The following TENM2 variants were observed in gnomAD, a reference collection of about 807,000 sequenced individuals.
The protein encoded by TENM2 is teneurin transmembrane protein 2.
A neutral mutation model predicts 245.2 loss-of-function variants in TENM2; 52 were observed. The ratio of observed to expected loss-of-function variants is 0.21; its 90% CI spans 0.17 to 0.27. The LOEUF (loss-of-function observed/expected upper bound fraction) is 0.27. TENM2 is among the 10% of genes least tolerant of loss of function. The pLI is 1.00. For synonymous variants in TENM2, 1,363 were observed against 1,438.9 expected (o/e 0.95, Z 1.19); for missense variants, 3,046 against 3,666.8 (o/e 0.83, Z 4.37).
chr5:167,774,951 T>A (rs1194406595), intron 2 of TENM2, among the ~76,000 whole-genome samples: 1 of 152,120 alleles, frequency 6.6e-6, no homozygotes, highest in Non-Finnish European at 1.5e-5. Flanking sequence ...TGGGGCTTAT[T>A]TGGGTGTGAG....
At chr5:167,602,554 T>C (rs190287515) in intron 2 of TENM2, among the ~76,000 whole-genome samples, 1 of 152,178 alleles carries the variant, frequency 6.6e-6, no homozygotes, top group African/African-American at 2.4e-5. Context: ...GGTTGGAGAG[T>C]AGATATTGTT....
intron 5 of TENM2, among the ~76,000 whole-genome samples, chr5:168,017,429 C>G (rs1785752293): frequency 6.6e-6 from 1 of 152,176 alleles, no homozygotes; most frequent in Admixed American, 6.5e-5. Flanking sequence ...GCATGGAGCT[C>G]TTCGTGACAG....
the TENM2 span, among the ~76,000 whole-genome samples, chr5:167,072,498 C>T: frequency 6.6e-6 from 1 of 152,170 alleles, no homozygotes; most frequent in African/African-American, 2.4e-5. Flanking sequence ...GAAGTTGAGA[C>T]ATGTAACCTT....
At chr5:167,346,920 G>A (rs1411633948) in intron 1 of TENM2, among the ~76,000 whole-genome samples, 2 of 152,048 alleles carry the variant, frequency 1.3e-5, no homozygotes, top group African/African-American at 2.4e-5. Flanking sequence ...AACTACAGGT[G>A]TACGCCTCCA....
chr5:167,467,068 A>G (rs1203212462), intron 2 of TENM2, among the ~76,000 whole-genome samples: 1 of 152,140 alleles, frequency 6.6e-6, no homozygotes, highest in Non-Finnish European at 1.5e-5. Context: ...AGCTAGACTC[A>G]CTGTTATGGC....
Position 168,218,633 on chromosome 5 carries a change from A to C in TENM2, c.4742A>C (p.Asn1581Thr). 6.2e-7 allele frequency: 1 copy of C among 1,614,036 alleles called. No individual in the cohort carries two copies. Among genetic ancestry groups the C allele is most frequent in the South Asian group, 1.1e-5 (1 of 91,074 alleles). Residue 1581 changes from asparagine (N) to threonine (T), a missense_variant, in exon 23 of 29, where the codon AAC becomes ACC. By Grantham distance (65) the Asn-to-Thr change is moderately conservative. Transcript: ENST00000518659. The surrounding 1 kb of genome is among the most constrained non-coding windows in gnomAD (Gnocchi z 5.2). Reference sequence around the variant, plus strand: ...AACAAGCCTGTTCTTAATGCCTTCAACCAGTATGAGGCTGCATCCCCCGGA... The same window carrying C: ...AACAAGCCTGTTCTTAATGCCTTCACCCAGTATGAGGCTGCATCCCCCGGA...
intron 27 of TENM2, among the ~76,000 whole-genome samples, chr5:168,255,208 T>C (rs560680275): frequency 6.6e-6 from 1 of 152,176 alleles, no homozygotes; most frequent in African/African-American, 2.4e-5. Context: ...TGGGGAGAGA[T>C]AGTCCCTTTT....
intron 4 of TENM2, among the ~76,000 whole-genome samples, chr5:167,962,971 G>A (rs933758275): frequency 1.3e-5 from 2 of 152,186 alleles, no homozygotes; most frequent in Admixed American, 6.5e-5. Context: ...CAAGAGCTAT[G>A]TTAGGTACTG....
At chr5:167,108,404 G>A in the TENM2 span, among the ~76,000 whole-genome samples, 1 of 152,154 alleles carries the variant, frequency 6.6e-6, no homozygotes, top group African/African-American at 2.4e-5. Flanking sequence ...AGGATTACAG[G>A]CGTGAGTCAC....
intron 2 of TENM2, among the ~76,000 whole-genome samples, chr5:167,731,995 A>G (rs1016684333): frequency 6.6e-6 from 1 of 152,200 alleles, no homozygotes; most frequent in African/African-American, 2.4e-5. Flanking sequence ...ATTAAACAGT[A>G]TATAATTGCG....
intron 1 of TENM2, among the ~76,000 whole-genome samples, chr5:167,357,300 C>CTTT (rs11442891): frequency 1.7e-4 from 24 of 139,944 alleles, no homozygotes; most frequent in African/African-American, 3.2e-4. Context: ...GCCATCCTTT[C>CTTT]TTTTTTTTTT....
At chr5:168,136,866 G>A (rs541784189) in intron 12 of TENM2, among the ~76,000 whole-genome samples, 1 of 152,276 alleles carries the variant, frequency 6.6e-6, no homozygotes, top group South Asian at 2.1e-4. Context: ...CTTCATTTAG[G>A]TTAAGGGTTG....
the TENM2 span, among the ~76,000 whole-genome samples, chr5:167,232,704 G>A: frequency 1.3e-5 from 2 of 152,082 alleles, no homozygotes; most frequent in Admixed American, 1.3e-4. Context: ...ACCCAGTCTT[G>A]GGTATTTCTT....
At chr5:168,026,598 A>G in intron 5 of TENM2, among the ~76,000 whole-genome samples, 1 of 152,200 alleles carries the variant, frequency 6.6e-6, no homozygotes, top group East Asian at 1.9e-4. Context: ...GCTCTAGAAT[A>G]CAGGCTGCTG....
At chr5:167,798,175 G>A (rs187863224) in intron 2 of TENM2, among the ~76,000 whole-genome samples, 10 of 152,264 alleles carry the variant, frequency 6.6e-5, no homozygotes, top group Middle Eastern at 3.4e-3. Context: ...ACGTCCAGGC[G>A]CAAGCTAACT....
At chr5:167,991,550 T>G (rs1240491203) in intron 4 of TENM2, among the ~76,000 whole-genome samples, 2 of 152,184 alleles carry the variant, frequency 1.3e-5, no homozygotes, top group African/African-American at 4.8e-5. Flanking sequence ...ATCAGAGAAT[T>G]AATGGTCCTT....
At chr5:167,373,705 A>G (rs1760577058) in intron 1 of TENM2, among the ~76,000 whole-genome samples, 1 of 152,244 alleles carries the variant, frequency 6.6e-6, no homozygotes, top group Non-Finnish European at 1.5e-5. Flanking sequence ...TAGAAGCAGC[A>G]CAAGTTGGGA....
At chr5:166,988,418 C>T in the TENM2 span, among the ~76,000 whole-genome samples, 11 of 152,172 alleles carry the variant, frequency 7.2e-5, no homozygotes, top group African/African-American at 2.7e-4. Flanking sequence ...TACTGCCAGT[C>T]CTTCTGAATG....
intron 2 of TENM2, among the ~76,000 whole-genome samples, chr5:167,757,460 A>G (rs1762383296): frequency 6.6e-6 from 1 of 152,138 alleles, no homozygotes; most frequent in Non-Finnish European, 1.5e-5. Flanking sequence ...CATGGTGTAT[A>G]TGTGCCACAT....
Sources: allele counts gnomAD v4.1 joint callset (sites outside exome capture counted in the v4.1 genomes callset), GRCh38; gene constraint gnomAD v4.1.1; non-coding constraint Gnocchi (gnomAD v3.1); transcripts MANE v1.5; gene names NCBI Gene and HGNC (gene_info 2026-07-23, HGNC 2026-07-21).